GRIK1: variants seen among roughly 807,000 people sequenced by gnomAD.
The protein encoded by GRIK1 is glutamate receptor ionotropic, kainate 1.
A neutral mutation model predicts 105.7 loss-of-function variants in GRIK1; 69 were observed. The ratio of observed to expected loss-of-function variants is 0.65; its 90% CI spans 0.54 to 0.80. The LOEUF (loss-of-function observed/expected upper bound fraction) is 0.80, where lower values mean the gene tolerates loss of function less well. Among genes scored for constraint, GRIK1 ranks in the 30% least tolerant of loss-of-function variants. The pLI is 0.00. For synonymous variants in GRIK1, 438 were observed against 431.3 expected (o/e 1.02, Z -0.19); for missense variants, 1,109 against 1,167.3 (o/e 0.95, Z 0.73).
chr21:29,820,341 C>T (rs943209983), intron 1 of GRIK1, among the ~76,000 whole-genome samples: 1 of 152,034 alleles, frequency 6.6e-6, no homozygotes, highest in Non-Finnish European at 1.5e-5. Flanking sequence ...GTGGTCATTT[C>T]TCAGTATTTA....
chr21:29,709,446 A>G (rs1467785600), intron 1 of GRIK1, among the ~76,000 whole-genome samples: 1 of 151,766 alleles, frequency 6.6e-6, no homozygotes, highest in East Asian at 1.9e-4. Flanking sequence ...ATGCCCGGCT[A>G]ATTTTTGTGT....
At chr21:29,638,543 A>T (rs913581170) in intron 7 of GRIK1, among the ~76,000 whole-genome samples, 6 of 152,356 alleles carry the variant, frequency 3.9e-5, no homozygotes, top group African/African-American at 1.2e-4. Flanking sequence ...AGTGCAATAC[A>T]GAAACAAAAG....
At chr21:29,613,116 T>C (rs1296695287) in intron 7 of GRIK1, among the ~76,000 whole-genome samples, 1 of 152,208 alleles carries the variant, frequency 6.6e-6, no homozygotes, top group African/African-American at 2.4e-5. Flanking sequence ...AAAGAGATAG[T>C]GCTTCAAAGC....
intron 3 of GRIK1, among the ~76,000 whole-genome samples, chr21:29,683,432 T>C (rs1160590846): frequency 3.3e-5 from 5 of 152,236 alleles, no homozygotes; most frequent in African/African-American, 1.2e-4. Context: ...CACCACAGAA[T>C]ACTATGCAGC....
intron 1 of GRIK1, among the ~76,000 whole-genome samples, chr21:29,814,423 G>A (rs963356523): frequency 1.3e-5 from 2 of 152,046 alleles, no homozygotes; most frequent in African/African-American, 2.4e-5. Context: ...TGGTGAGCAT[G>A]CATATGGAGA....
intron 7 of GRIK1, among the ~76,000 whole-genome samples, chr21:29,628,470 A>G (rs1020194529): frequency 6.6e-6 from 1 of 152,134 alleles, no homozygotes; most frequent in African/African-American, 2.4e-5. Context: ...TTGATTTCCA[A>G]CTCTAAATCT....
At chr21:29,911,625 G>A (rs1176158280) in intron 1 of GRIK1, among the ~76,000 whole-genome samples, 1 of 152,072 alleles carries the variant, frequency 6.6e-6, no homozygotes, top group Non-Finnish European at 1.5e-5. Flanking sequence ...GGTAGGCGGG[G>A]CCTTTGGGAG....
chr21:29,550,126 A>C (rs1236408413), intron 16 of GRIK1, among the ~76,000 whole-genome samples: 1 of 146,130 alleles, frequency 6.8e-6, no homozygotes, highest in African/African-American at 2.5e-5. Flanking sequence ...AAAAAAAAAA[A>C]AAAAAAAAAG....
At chr21:29,685,703 T>C (rs549912813) in intron 3 of GRIK1, among the ~76,000 whole-genome samples, 2 of 152,264 alleles carry the variant, frequency 1.3e-5, no homozygotes, top group Admixed American at 6.5e-5. Flanking sequence ...GCTCAGAACA[T>C]GACACCCCAA....
At chr21:29,677,618 T>C (rs1254209755) in intron 3 of GRIK1, among the ~76,000 whole-genome samples, 1 of 152,122 alleles carries the variant, frequency 6.6e-6, no homozygotes, top group Non-Finnish European at 1.5e-5. Flanking sequence ...CCAGTGAGCA[T>C]TGAAGATTTC....
At chr21:29,871,642 G>A (rs1295329639) in intron 1 of GRIK1, among the ~76,000 whole-genome samples, 2 of 151,418 alleles carry the variant, frequency 1.3e-5, no homozygotes, top group Admixed American at 6.6e-5. Context: ...GTAAAGGAGG[G>A]AAAAAAAGAA....
intron 4 of GRIK1, chr21:29,657,621 A>C (rs1017064011): frequency 6.6e-6 from 1 of 152,236 alleles, no homozygotes; most frequent in African/African-American, 2.4e-5. Context: ...GGAAATTAAG[A>C]AACGAGTCCA....
At chr21:29,560,490 T>TCCTTCCTTTCCTTTCTCTCTCTCC (rs1422556779) in intron 15 of GRIK1, among the ~76,000 whole-genome samples, 1 of 56,684 alleles carries the variant, frequency 1.8e-5, no homozygotes, top group African/African-American at 9.4e-5. Flanking sequence ...TCCCTTTCTT[T>TCCTTCCTTTCCTTTCTCTCTCTCC]CTTTCTTTCC....
At chr21:29,835,861 G>A (rs1167353422) in intron 1 of GRIK1, among the ~76,000 whole-genome samples, 1 of 152,142 alleles carries the variant, frequency 6.6e-6, no homozygotes, top group African/African-American at 2.4e-5. Context: ...GCAATTGCTT[G>A]GTGATTTTGG....
chr21:29,636,106 A>G (rs1423925863), intron 7 of GRIK1, among the ~76,000 whole-genome samples: 1 of 152,168 alleles, frequency 6.6e-6, no homozygotes, highest in African/African-American at 2.4e-5. Context: ...CAACAGCCAC[A>G]GGAGTTGGGA....
At chr21:29,827,582 G>T (rs561832377) in intron 1 of GRIK1, among the ~76,000 whole-genome samples, 1 of 151,942 alleles carries the variant, frequency 6.6e-6, no homozygotes, top group African/African-American at 2.4e-5. Flanking sequence ...CATAACTGTC[G>T]TAAATGACTC....
At chr21:29,640,435 G>A (rs994330160) in intron 7 of GRIK1, among the ~76,000 whole-genome samples, 4 of 152,146 alleles carry the variant, frequency 2.6e-5, no homozygotes, top group African/African-American at 9.7e-5. Context: ...TGACTCAGGA[G>A]ACAAAAGAGG....
intron 4 of GRIK1, among the ~76,000 whole-genome samples, chr21:29,655,585 C>T (rs1325864506): frequency 6.6e-6 from 1 of 152,086 alleles, no homozygotes; most frequent in Non-Finnish European, 1.5e-5. Flanking sequence ...ATGAGTAGAA[C>T]TCATTAAATG....
At chr21:29,777,659 A>C (rs1288389618) in intron 1 of GRIK1, among the ~76,000 whole-genome samples, 2 of 152,230 alleles carry the variant, frequency 1.3e-5, no homozygotes, top group African/African-American at 4.8e-5. Flanking sequence ...CATATCAAGA[A>C]GTTTGTACCT....
Sources: allele counts gnomAD v4.1 joint callset (sites outside exome capture counted in the v4.1 genomes callset), GRCh38; gene constraint gnomAD v4.1.1; transcripts MANE v1.5; gene names NCBI Gene and HGNC (gene_info 2026-07-23, HGNC 2026-07-21).